MATCAP2: variants seen among roughly 807,000 people sequenced by gnomAD.
MATCAP2 encodes putative tyrosine carboxypeptidase MATCAP2.
chr7:36,383,842 C>T, the MATCAP2 span: 59 of 1,541,324 alleles, frequency 3.8e-5, 1 homozygote, highest in East Asian at 1.2e-3. Context: ...AAAGAAGTGG[C>T]CCTTCAGCCA....
the MATCAP2 span, chr7:36,366,976 G>C: frequency 5.2e-6 from 7 of 1,340,900 alleles, no homozygotes. Flanking sequence ...GGCTCCGCGG[G>C]CTCAGGGGAA....
the MATCAP2 span, among the ~76,000 whole-genome samples, chr7:36,380,160 G>A: frequency 9.2e-5 from 14 of 152,196 alleles, no homozygotes; most frequent in Non-Finnish European, 2.1e-4. Context: ...CATTTTGGTA[G>A]TGGGAGTAGG....
At chr7:36,385,961 C>G in the MATCAP2 span, among the ~76,000 whole-genome samples, 45 of 152,026 alleles carry the variant, frequency 3.0e-4, no homozygotes, top group South Asian at 1.0e-3. Context: ...TCGAGACTAG[C>G]CTGGCCAACA....
chr7:36,354,610 G>A, the MATCAP2 span, among the ~76,000 whole-genome samples: 1 of 152,204 alleles, frequency 6.6e-6, no homozygotes, highest in Non-Finnish European at 1.5e-5. Flanking sequence ...TATCTAAGGA[G>A]GAGATGGATG....
the MATCAP2 span, among the ~76,000 whole-genome samples, chr7:36,330,225 A>G: frequency 2.0e-5 from 3 of 151,960 alleles, no homozygotes; most frequent in East Asian, 5.8e-4. Flanking sequence ...AGCTGGGACT[A>G]AGGTGTGTGC....
chr7:36,366,626 T>C, the MATCAP2 span: 6 of 1,469,522 alleles, frequency 4.1e-6, no homozygotes, highest in Non-Finnish European at 9.2e-7. Context: ...TTAACAATCT[T>C]TGGATTGTAC....
At chr7:36,370,763 G>A in the MATCAP2 span, among the ~76,000 whole-genome samples, 5,987 of 152,328 alleles carry the variant, frequency 0.039, 170 homozygotes, top group African/African-American at 0.069. Flanking sequence ...TTATAGGCGT[G>A]AGCCACCACG....
the MATCAP2 span, chr7:36,366,742 T>G: frequency 6.5e-7 from 1 of 1,535,374 alleles, no homozygotes. Context: ...CCGATTTCTC[T>G]CTTCCCTCCA....
the MATCAP2 span, among the ~76,000 whole-genome samples, chr7:36,350,224 T>G: frequency 6.6e-6 from 1 of 152,140 alleles, no homozygotes; most frequent in South Asian, 2.1e-4. Context: ...CCAATTAAAT[T>G]TTTTTCTATC....
At chr7:36,337,593 T>C in the MATCAP2 span, 1 of 152,188 alleles carries the variant, frequency 6.6e-6, no homozygotes, top group Admixed American at 6.5e-5. Flanking sequence ...GCCATGGCTC[T>C]GTCCTCTTCT....
At chr7:36,337,662 T>C in the MATCAP2 span, 11 of 152,184 alleles carry the variant, frequency 7.2e-5, 1 homozygote, top group Admixed American at 5.9e-4. Flanking sequence ...ATTATTATTA[T>C]TATTATTAGA....
chr7:36,389,814 T>A, the MATCAP2 span: 2 of 895,724 alleles, frequency 2.2e-6, no homozygotes, highest in African/African-American at 1.7e-5. Context: ...CCAGCGCGCA[T>A]GCTCGCGGCT....
At chr7:36,326,667 TTTC>T in the MATCAP2 span, 11 of 1,184,586 alleles carry the variant, frequency 9.3e-6, no homozygotes, top group South Asian at 1.9e-4. Context: ...ACAAGTAGTC[TTTC>T]TTCTTTTATA....
the MATCAP2 span, among the ~76,000 whole-genome samples, chr7:36,389,633 C>T: frequency 6.6e-6 from 1 of 152,162 alleles, no homozygotes; most frequent in African/African-American, 2.4e-5. Flanking sequence ...GGGGGTGGAG[C>T]CAGGAACCCG....
chr7:36,343,203 A>T, the MATCAP2 span, among the ~76,000 whole-genome samples: 1 of 148,826 alleles, frequency 6.7e-6, no homozygotes, highest in Admixed American at 6.7e-5. Flanking sequence ...ATCTTCAAAA[A>T]TTTTCTTAGA....
At chr7:36,350,543 T>G in the MATCAP2 span, among the ~76,000 whole-genome samples, 1 of 150,962 alleles carries the variant, frequency 6.6e-6, no homozygotes, top group African/African-American at 2.4e-5. Flanking sequence ...TTTTTTTTTT[T>G]TTTTTTTTTG....
the MATCAP2 span, among the ~76,000 whole-genome samples, chr7:36,372,661 G>A: frequency 6.6e-6 from 1 of 152,120 alleles, no homozygotes; most frequent in African/African-American, 2.4e-5. Flanking sequence ...AAAAGATACT[G>A]CTCTTTATTA....
the MATCAP2 span, among the ~76,000 whole-genome samples, chr7:36,331,540 T>C: frequency 2.0e-5 from 3 of 152,258 alleles, no homozygotes; most frequent in East Asian, 3.9e-4. Context: ...ACTCCTGGTA[T>C]TTAGAATATT....
the MATCAP2 span, chr7:36,367,141 G>A: frequency 1.6e-6 from 2 of 1,221,736 alleles, no homozygotes; most frequent in African/African-American, 3.1e-5. Context: ...GCTTCCACCA[G>A]CCCGTAGCTA....
Sources: gnomAD v4.1 joint callset for allele counts (sites outside exome capture counted in the v4.1 genomes callset) on GRCh38, gnomAD v4.1.1 for gene constraint, MANE v1.5 for transcripts, NCBI Gene and HGNC (gene_info 2026-07-23, HGNC 2026-07-21) for gene names.